The following SLC35F3 variants were observed in gnomAD, a reference collection of about 807,000 sequenced individuals.
The protein encoded by SLC35F3 is putative thiamine transporter SLC35F3.
SLC35F3 carries 25 observed loss-of-function variants against 49.9 expected under a neutral mutation model. That is an observed-to-expected ratio of 0.50 (90% CI 0.37 to 0.70). SLC35F3 has a LOEUF of 0.70. SLC35F3 is among the 30% of genes least tolerant of loss of function. SLC35F3 has a pLI of 0.00. For missense variants in SLC35F3, 525 were observed against 639.8 expected (o/e 0.82, Z 1.94); for synonymous variants, 275 against 265.4 (o/e 1.04, Z -0.35).
chr1:234,216,602 C>T (rs1016669707), intron 2 of SLC35F3, among the ~76,000 whole-genome samples: 3 of 152,232 alleles, frequency 2.0e-5, no homozygotes, highest in Non-Finnish European at 4.4e-5. Flanking sequence ...TGCCTCGCCA[C>T]GGGCTTGGCT....
chr1:233,926,012 T>G (rs954665368), intron 2 of SLC35F3, among the ~76,000 whole-genome samples: 1 of 152,242 alleles, frequency 6.6e-6, no homozygotes, highest in African/African-American at 2.4e-5. Context: ...GCTGTTAGTC[T>G]GATAGGCTTC....
chr1:234,236,568 A>C (rs879558240), intron 3 of SLC35F3, among the ~76,000 whole-genome samples: 5 of 152,168 alleles, frequency 3.3e-5, no homozygotes, highest in Non-Finnish European at 5.9e-5. Flanking sequence ...CACAGCCTGG[A>C]CAAAGAGCAC....
At chr1:234,036,984 T>C (rs1253572540) in intron 2 of SLC35F3, among the ~76,000 whole-genome samples, 2 of 152,192 alleles carry the variant, frequency 1.3e-5, no homozygotes, top group Admixed American at 6.5e-5. Flanking sequence ...TAGAAAATGG[T>C]TTAGAGTCTA....
intron 2 of SLC35F3, among the ~76,000 whole-genome samples, chr1:233,966,061 G>A (rs917842376): frequency 2.6e-5 from 4 of 152,140 alleles, no homozygotes; most frequent in African/African-American, 9.7e-5. Flanking sequence ...GCCAAGACCA[G>A]CCCTTAGGCC....
At chr1:233,982,779 C>T (rs59149479) in intron 2 of SLC35F3, among the ~76,000 whole-genome samples, 12,331 of 152,166 alleles carry the variant, frequency 0.081, 762 homozygotes, top group African/African-American at 0.18. Context: ...ACATCATTGT[C>T]CCTGCCTACA....
chr1:234,227,205 T>C (rs1351047477), intron 2 of SLC35F3, among the ~76,000 whole-genome samples: 1 of 152,106 alleles, frequency 6.6e-6, no homozygotes, highest in African/African-American at 2.4e-5. Flanking sequence ...AGTACAAGAT[T>C]AGAATTTAAG....
chr1:233,951,903 A>T (rs888357274), intron 2 of SLC35F3, among the ~76,000 whole-genome samples: 1 of 152,116 alleles, frequency 6.6e-6, no homozygotes, highest in Non-Finnish European at 1.5e-5. Flanking sequence ...AATATATTTT[A>T]AAATATTTAC....
At chr1:233,906,810 A>C (rs1158231406) in intron 2 of SLC35F3, among the ~76,000 whole-genome samples, 1 of 152,238 alleles carries the variant, frequency 6.6e-6, no homozygotes, top group African/African-American at 2.4e-5. Flanking sequence ...AGTCCAAGGC[A>C]AAGGTCAGTG....
chr1:234,064,260 C>T (rs539720077), intron 2 of SLC35F3, among the ~76,000 whole-genome samples: 23 of 152,244 alleles, frequency 1.5e-4, no homozygotes, highest in African/African-American at 4.3e-4. Flanking sequence ...ATGTGTCTTG[C>T]GTGTGATCCT....
At chr1:233,980,080 G>A (rs1363641007) in intron 2 of SLC35F3, among the ~76,000 whole-genome samples, 1 of 152,194 alleles carries the variant, frequency 6.6e-6, no homozygotes, top group Admixed American at 6.5e-5. Flanking sequence ...CGTGTTGTGT[G>A]CCAGCTCTGC....
intron 3 of SLC35F3, among the ~76,000 whole-genome samples, chr1:234,250,394 C>G (rs1237436609): frequency 6.6e-6 from 1 of 152,160 alleles, no homozygotes; most frequent in Non-Finnish European, 1.5e-5. Context: ...GTGGCTCACG[C>G]CTGTAATCCC....
chr1:234,278,919 C>T (rs76273204), intron 3 of SLC35F3, among the ~76,000 whole-genome samples: 2,119 of 152,198 alleles, frequency 0.014, 41 homozygotes, highest in African/African-American at 0.049. Flanking sequence ...TGAATTTTGG[C>T]GGTGTGAACC....
At chr1:233,942,750 C>T (rs1362693664) in intron 2 of SLC35F3, among the ~76,000 whole-genome samples, 1 of 152,202 alleles carries the variant, frequency 6.6e-6, no homozygotes, top group Non-Finnish European at 1.5e-5. Context: ...AGTGCAAATG[C>T]AGTACTCTTA....
chr1:234,216,563 AGTCTCCTGCACCTGCTAAC>A (rs1667125311), intron 2 of SLC35F3, among the ~76,000 whole-genome samples: 1 of 152,220 alleles, frequency 6.6e-6, no homozygotes, highest in South Asian at 2.1e-4. Flanking sequence ...AAGAGCTTTG[AGTCTCCTGCACCTGCTAAC>A]GCCAGCAGCT....
At chr1:234,181,177 A>T (rs1006525207) in intron 2 of SLC35F3, among the ~76,000 whole-genome samples, 5 of 152,086 alleles carry the variant, frequency 3.3e-5, no homozygotes, top group Non-Finnish European at 4.4e-5. Context: ...TACAAAAAAA[A>T]ATACAATAAA....
intron 2 of SLC35F3, among the ~76,000 whole-genome samples, chr1:234,113,181 C>T (rs1008221287): frequency 6.6e-6 from 1 of 152,218 alleles, no homozygotes; most frequent in African/African-American, 2.4e-5. Context: ...ATAATTTCCA[C>T]ATTTGTCCTC....
At chr1:234,155,497 A>C (rs1666138313) in intron 2 of SLC35F3, among the ~76,000 whole-genome samples, 1 of 151,596 alleles carries the variant, frequency 6.6e-6, no homozygotes, top group Non-Finnish European at 1.5e-5. Flanking sequence ...GCAACTTCTG[A>C]CTCCCGGGTT....
chr1:234,094,717 C>T (rs1343602234), intron 2 of SLC35F3, among the ~76,000 whole-genome samples: 3 of 151,930 alleles, frequency 2.0e-5, no homozygotes, highest in Admixed American at 6.6e-5. Context: ...CGGCAGGGGG[C>T]GCTTTTATGA....
At chr1:234,217,014 A>G (rs1490399587) in intron 2 of SLC35F3, among the ~76,000 whole-genome samples, 1 of 151,930 alleles carries the variant, frequency 6.6e-6, no homozygotes, top group Non-Finnish European at 1.5e-5. Context: ...TATTTTTTGG[A>G]AACCATTTGC....
Sources: allele counts gnomAD v4.1 joint callset (sites outside exome capture counted in the v4.1 genomes callset), GRCh38; gene constraint gnomAD v4.1.1; transcripts MANE v1.5; gene names NCBI Gene and HGNC (gene_info 2026-07-23, HGNC 2026-07-21).